The following SMAD9 variants were observed in gnomAD, a reference collection of about 807,000 sequenced individuals.
SMAD9 encodes the protein SMAD family member 9.
A neutral mutation model predicts 46.1 loss-of-function variants in SMAD9; 36 were observed. That is an observed-to-expected ratio of 0.78 (90% CI 0.60 to 1.03). SMAD9 has a LOEUF of 1.03. Ranked by LOEUF, SMAD9 falls within the 50% of genes least tolerant of loss-of-function variation. SMAD9 has a pLI of 0.00. For synonymous variants in SMAD9, 245 were observed against 237.1 expected, an observed-to-expected ratio of 1.03 and a Z score of -0.31; for missense variants, 572 against 599.8, an observed-to-expected ratio of 0.95 and a Z score of 0.48.
At chr13:36,907,923 G>C (rs548692612) in intron 1 of SMAD9, among the ~76,000 whole-genome samples, 92 of 152,290 alleles carry the variant, frequency 6.0e-4, no homozygotes, top group African/African-American at 2.2e-3. Flanking sequence ...AAGGTAAAAT[G>C]CTGGGAAATC....
chr13:36,861,536 G>A (rs998843536), intron 5 of SMAD9, among the ~76,000 whole-genome samples: 20 of 149,444 alleles, frequency 1.3e-4, no homozygotes, highest in Admixed American at 9.3e-4. Flanking sequence ...GGCTGGTCTC[G>A]AACTCCCGAC....
intron 1 of SMAD9, among the ~76,000 whole-genome samples, chr13:36,891,332 A>T (rs1198840541): frequency 6.6e-6 from 1 of 152,134 alleles, no homozygotes; most frequent in Non-Finnish European, 1.5e-5. Flanking sequence ...CTGTGGCATG[A>T]GCTATACTTT....
intron 6 of SMAD9, chr13:36,852,044 G>C: frequency 1.0e-6 from 1 of 969,318 alleles, no homozygotes; most frequent in Non-Finnish European, 1.2e-6. Context: ...AAAAGATTTC[G>C]AAGTTATTTG....
intron 1 of SMAD9, among the ~76,000 whole-genome samples, chr13:36,898,299 A>C (rs1465386575): frequency 6.6e-6 from 1 of 151,776 alleles, no homozygotes; most frequent in Non-Finnish European, 1.5e-5. Context: ...CTTTCCCAGG[A>C]AAAATCACCA....
intron 1 of SMAD9, among the ~76,000 whole-genome samples, chr13:36,885,311 T>C (rs191770043): frequency 6.6e-6 from 1 of 152,168 alleles, no homozygotes; most frequent in Non-Finnish European, 1.5e-5. Flanking sequence ...AACAGCTGGC[T>C]GTTATTATCA....
At chr13:36,897,802 A>G (rs2058540876) in intron 1 of SMAD9, among the ~76,000 whole-genome samples, 1 of 151,518 alleles carries the variant, frequency 6.6e-6, no homozygotes, top group Admixed American at 6.6e-5. Flanking sequence ...CTATTTACCC[A>G]AAGTTCATTA....
intron 5 of SMAD9, among the ~76,000 whole-genome samples, chr13:36,855,127 A>C (rs371882086): frequency 3.9e-5 from 6 of 152,068 alleles, no homozygotes; most frequent in South Asian, 2.1e-4. Flanking sequence ...TAAAAAATAC[A>C]AAAATTAAGT....
intron 5 of SMAD9, among the ~76,000 whole-genome samples, chr13:36,855,529 C>T (rs2058116228): frequency 6.6e-6 from 1 of 152,080 alleles, no homozygotes; most frequent in Non-Finnish European, 1.5e-5. Context: ...GATCACTATG[C>T]AGTTATAAGG....
intron 1 of SMAD9, among the ~76,000 whole-genome samples, chr13:36,889,789 T>C (rs1178303272): frequency 6.6e-6 from 1 of 152,174 alleles, no homozygotes; most frequent in African/African-American, 2.4e-5. Flanking sequence ...TCTATTTTTA[T>C]TGAATTGTTT....
At chr13:36,849,886 T>TG (rs2058060813) in intron 6 of SMAD9, 1 of 152,164 alleles carries the variant, frequency 6.6e-6, no homozygotes, top group African/African-American at 2.4e-5. Context: ...TGCAATCTTT[T>TG]GCGTCTACTA....
At chr13:36,884,307 G>A (rs1350999216) in intron 1 of SMAD9, among the ~76,000 whole-genome samples, 8 of 152,150 alleles carry the variant, frequency 5.3e-5, no homozygotes, top group Non-Finnish European at 1.0e-4. Context: ...TGGTCAGTGC[G>A]TGATTAGCGT....
intron 5 of SMAD9, among the ~76,000 whole-genome samples, chr13:36,860,899 A>C (rs1188469437): frequency 6.6e-6 from 1 of 152,164 alleles, no homozygotes; most frequent in Non-Finnish European, 1.5e-5. Context: ...CACTGGAATG[A>C]GATGTTCCAG....
chr13:36,871,117 G>A (rs2058289239), intron 3 of SMAD9, among the ~76,000 whole-genome samples: 1 of 152,146 alleles, frequency 6.6e-6, no homozygotes, highest in South Asian at 2.1e-4. Context: ...AATCATCACT[G>A]CACCTCTAGC....
At chr13:36,870,648 G>A (rs895081700) in intron 3 of SMAD9, among the ~76,000 whole-genome samples, 1 of 152,172 alleles carries the variant, frequency 6.6e-6, no homozygotes, top group Non-Finnish European at 1.5e-5. Context: ...GATACAGTCC[G>A]AGACCCCCAG....
intron 5 of SMAD9, among the ~76,000 whole-genome samples, chr13:36,864,806 T>A (rs925316489): frequency 4.6e-5 from 7 of 152,208 alleles, no homozygotes; most frequent in African/African-American, 1.7e-4. Context: ...CTTCCCGAGG[T>A]GGCTTAAGTG....
Position 36,914,536 on chromosome 13 carries a change from C to CA in SMAD9, c.-187+5579dup, listed in dbSNP as rs202113461. On this transcript the variant is annotated intron_variant, in intron 1 of 6. Transcript: ENST00000379826. The stretch of plus-strand genomic sequence containing the variant: ...TCCATCTCAAAAAACAAAAACAAAA[C>CA]AAAAAAAAACTTACTCTTCCTTCTT... Among the ~76,000 whole-genome samples, 891 of 151,148 alleles carry CA rather than the reference C, an allele frequency of 5.9e-3. 24 individuals carry two copies. Among genetic ancestry groups the CA allele is most frequent in the Admixed American group, 0.044 (667 of 15,166 alleles).
intron 1 of SMAD9, among the ~76,000 whole-genome samples, chr13:36,903,338 G>A (rs529876774): frequency 6.6e-6 from 1 of 152,124 alleles, no homozygotes. Flanking sequence ...CGTTGGTCAG[G>A]CTGGTCTTGA....
chr13:36,879,711 G>T lies in SMAD9; in HGVS notation c.-22C>A. ...GCATAAGAGGCCACAGCAGGCTCCGGCGCGCACGGGAACCGCACAGCCCTT... is the reference window on the plus strand; with the variant it reads ...GCATAAGAGGCCACAGCAGGCTCCGTCGCGCACGGGAACCGCACAGCCCTT... On this transcript the variant is annotated 5_prime_UTR_variant, in exon 2 of 7. Coordinates refer to ENST00000379826, the MANE Select transcript of SMAD9 (RefSeq NM_001127217.3). The T allele has an allele frequency of 1.2e-6, 2 of 1,612,934 alleles. No individual in the cohort carries two copies. Among genetic ancestry groups the T allele is most frequent in the Non-Finnish European group, 1.7e-6 (2 of 1,180,030 alleles).
At chr13:36,874,123 T>C (rs1476314419) in intron 2 of SMAD9, among the ~76,000 whole-genome samples, 1 of 152,090 alleles carries the variant, frequency 6.6e-6, no homozygotes, top group Non-Finnish European at 1.5e-5. Context: ...CCAACATAAG[T>C]TCCAGACAGG....
Sources: gnomAD v4.1 joint callset for allele counts (sites outside exome capture counted in the v4.1 genomes callset) on GRCh38, gnomAD v4.1.1 for gene constraint, MANE v1.5 for transcripts, NCBI Gene and HGNC (gene_info 2026-07-23, HGNC 2026-07-21) for gene names.